Variants in ENOX1 observed in about 807,000 individuals in gnomAD.
The protein encoded by ENOX1 is candidate growth-related and time keeping constitutive hydroquinone (NADH) oxidase.
ENOX1 carries 42 observed loss-of-function variants against 82.5 expected under a neutral mutation model. The ratio of observed to expected loss-of-function variants is 0.51; its 90% confidence interval spans 0.40 to 0.66. ENOX1 has a LOEUF of 0.66. Ranked by LOEUF, ENOX1 falls within the 30% of genes least tolerant of loss-of-function variation. The pLI is 0.00. For missense variants in ENOX1, 608 were observed against 811.6 expected, an observed-to-expected ratio of 0.75 and a Z score of 3.05; for synonymous variants, 271 against 282.2, an observed-to-expected ratio of 0.96 and a Z score of 0.40.
At chr13:43,223,616 C>T (rs1430462793) in intron 16 of ENOX1, among the ~76,000 whole-genome samples, 3 of 152,106 alleles carry the variant, frequency 2.0e-5, no homozygotes, top group African/African-American at 7.2e-5. Context: ...ATTAATACAG[C>T]TTTCTTGAGT....
chr13:43,336,765 A>T (rs1363066100), intron 9 of ENOX1, among the ~76,000 whole-genome samples: 1 of 152,216 alleles, frequency 6.6e-6, no homozygotes, highest in African/African-American at 2.4e-5. Context: ...AAGGAACTTT[A>T]AGGGATTACT....
chr13:43,434,352 T>C (rs2055866471), intron 3 of ENOX1, among the ~76,000 whole-genome samples: 1 of 152,180 alleles, frequency 6.6e-6, no homozygotes, highest in Admixed American at 6.5e-5. Flanking sequence ...CTCCCTCTAG[T>C]CCTTCGGCCT....
chr13:43,557,762 C>T (rs1302721380), intron 2 of ENOX1, among the ~76,000 whole-genome samples: 1 of 152,086 alleles, frequency 6.6e-6, no homozygotes, highest in Non-Finnish European at 1.5e-5. Flanking sequence ...CATGCCACTG[C>T]CCTTCAGACT....
Position 43,319,174 on chromosome 13 carries a change from G to T in ENOX1, c.1261+3210C>A, listed in dbSNP as rs529701425. On this transcript the variant is annotated intron_variant, in intron 11 of 16. Coordinates refer to ENST00000690772, the MANE Select transcript of ENOX1 (RefSeq NM_001347969.2). ...ATCTTCACAGGCTTCAGAGCAGGAT[G>T]CCGATCTTCTAGAATGAATGCTTCA... Among the ~76,000 whole-genome samples, 5 of 152,278 alleles carry T rather than the reference G, an allele frequency of 3.3e-5. No individual in the cohort carries two copies. In the East Asian group the frequency reaches 9.7e-4, roughly 29 times the overall value.
intron 1 of ENOX1, among the ~76,000 whole-genome samples, chr13:43,771,804 G>A (rs1030305640): frequency 4.6e-5 from 7 of 151,026 alleles, no homozygotes; most frequent in African/African-American, 1.5e-4. Flanking sequence ...TCGCTCTGTC[G>A]CCCAGGTTGG....
chr13:43,466,046 T>G (rs1379351241), intron 3 of ENOX1, among the ~76,000 whole-genome samples: 1 of 152,208 alleles, frequency 6.6e-6, no homozygotes, highest in African/African-American at 2.4e-5. Flanking sequence ...ATAATTCTCA[T>G]GATCCCTTGT....
chr13:43,289,534 G>C (rs748227794), intron 12 of ENOX1, among the ~76,000 whole-genome samples: 1 of 152,138 alleles, frequency 6.6e-6, no homozygotes, highest in Non-Finnish European at 1.5e-5. Context: ...GAAGATTGAA[G>C]CTGGACTCCT....
chr13:43,730,358 G>A (rs1366366196), intron 1 of ENOX1, among the ~76,000 whole-genome samples: 3 of 152,102 alleles, frequency 2.0e-5, no homozygotes, highest in Non-Finnish European at 4.4e-5. Context: ...TCAATCTGTT[G>A]TTAGCACCAG....
At chr13:43,328,647 A>G (rs1256129764) in intron 9 of ENOX1, among the ~76,000 whole-genome samples, 2 of 152,240 alleles carry the variant, frequency 1.3e-5, no homozygotes, top group Non-Finnish European at 2.9e-5. Context: ...GGAGGAGTAC[A>G]GAAAAGAAAG....
chr13:43,731,336 T>C (rs1566844862), intron 1 of ENOX1, among the ~76,000 whole-genome samples: 1 of 152,234 alleles, frequency 6.6e-6, no homozygotes, highest in Non-Finnish European at 1.5e-5. Context: ...GACTGAATTA[T>C]TCTGTGTGCC....
intron 2 of ENOX1, among the ~76,000 whole-genome samples, chr13:43,608,581 T>C (rs949657684): frequency 1.3e-5 from 2 of 152,142 alleles, no homozygotes; most frequent in African/African-American, 4.8e-5. Flanking sequence ...GAAATGAGTG[T>C]GACAGGAGCT....
intron 12 of ENOX1, 49 bp downstream of exon 12, chr13:43,298,297 A>G: frequency 6.6e-7 from 1 of 1,518,278 alleles, no homozygotes; most frequent in Non-Finnish European, 8.8e-7. Context: ...TTCATTTAAT[A>G]CACATATCTC....
At chr13:43,612,808 A>G (rs937648554) in intron 2 of ENOX1, among the ~76,000 whole-genome samples, 1 of 152,152 alleles carries the variant, frequency 6.6e-6, no homozygotes, top group Non-Finnish European at 1.5e-5. Flanking sequence ...TTGCTCCATA[A>G]ACATAATATA....
At chr13:43,644,244 T>A (rs779107454) in intron 2 of ENOX1, among the ~76,000 whole-genome samples, 3 of 152,190 alleles carry the variant, frequency 2.0e-5, no homozygotes, top group Non-Finnish European at 2.9e-5. Flanking sequence ...GATTAGTATG[T>A]GAGTGGCTGG....
chr13:43,593,764 G>A lies in ENOX1; in HGVS notation c.-219+73715C>T, dbSNP rs188473639. 6.8e-4 allele frequency among the ~76,000 whole-genome samples: 102 copies of A among 149,244 alleles called. 1 individual carries two copies. The highest frequency in any genetic ancestry group is 7.1e-4 in the Non-Finnish European group (48 of 67,614). On this transcript the variant is annotated intron_variant, in intron 2 of 16. Transcript: ENST00000690772. ...AGCAATTTATCAGGCTTTCTTCTGGGGAAAGTCTTGGAGTAAATATTAGTT... is the reference window on the plus strand; with the variant it reads ...AGCAATTTATCAGGCTTTCTTCTGGAGAAAGTCTTGGAGTAAATATTAGTT...
intron 1 of ENOX1, among the ~76,000 whole-genome samples, chr13:43,716,091 G>A (rs986929458): frequency 7.2e-5 from 11 of 152,308 alleles, no homozygotes; most frequent in South Asian, 2.1e-4. Context: ...GCTTTGTTCC[G>A]TTGCTGGTGA....
intron 2 of ENOX1, among the ~76,000 whole-genome samples, chr13:43,621,839 G>A (rs559581951): frequency 7.9e-5 from 12 of 152,222 alleles, no homozygotes; most frequent in South Asian, 2.1e-4. Context: ...TTATTCCCCC[G>A]AATATGTTTT....
intron 11 of ENOX1, among the ~76,000 whole-genome samples, chr13:43,320,467 G>T: frequency 6.6e-6 from 1 of 152,086 alleles, no homozygotes; most frequent in Non-Finnish European, 1.5e-5. Context: ...AGAGGTGTCG[G>T]GGGATCACAT....
At chr13:43,295,955 G>A (rs1030462324) in intron 12 of ENOX1, among the ~76,000 whole-genome samples, 1 of 152,078 alleles carries the variant, frequency 6.6e-6, no homozygotes, top group Admixed American at 6.5e-5. Flanking sequence ...CTTTCTGTAG[G>A]TTAAAGAGGC....
Sources: allele counts gnomAD v4.1 joint callset (sites outside exome capture counted in the v4.1 genomes callset), GRCh38; gene constraint gnomAD v4.1.1; transcripts MANE v1.5; gene names NCBI Gene and HGNC (gene_info 2026-07-23, HGNC 2026-07-21).